The following COL13A1 variants were observed in gnomAD, a reference collection of about 807,000 sequenced individuals.
COL13A1 encodes the protein collagen alpha-1(XIII) chain.
COL13A1 carries 89 observed loss-of-function variants against 130.9 expected under a neutral mutation model. That is an observed-to-expected ratio of 0.68 (90% CI 0.57 to 0.81). The LOEUF is 0.81. Ranked by LOEUF, COL13A1 falls within the 30% of genes least tolerant of loss-of-function variation. The pLI, the probability that COL13A1 is intolerant of heterozygous loss-of-function variation, is 0.00. For missense variants in COL13A1, 879 were observed against 934.6 expected (o/e 0.94, Z 0.78); for synonymous variants, 402 against 341.6 (o/e 1.18, Z -1.95).
At chr10:69,836,592 C>T (rs1850137446) in intron 2 of COL13A1, among the ~76,000 whole-genome samples, 1 of 152,340 alleles carries the variant, frequency 6.6e-6, no homozygotes, top group African/African-American at 2.4e-5. Flanking sequence ...TCCTCCCACC[C>T]CTCCAGCCTT....
Position 69,844,095 on chromosome 10 carries a change from G to A in COL13A1, c.364+21657G>A, listed in dbSNP as rs556396658. Reference sequence around the variant, plus strand: ...GAATAGCAAGCCCTGAGGGCTTCCCGGAAGAGGCGGCATTTGCTCTAGGTC... The same window carrying A: ...GAATAGCAAGCCCTGAGGGCTTCCCAGAAGAGGCGGCATTTGCTCTAGGTC... On this transcript the variant is annotated intron_variant, in intron 2 of 40. Coordinates refer to ENST00000645393, the MANE Select transcript of COL13A1 (RefSeq NM_001368882.1). Among the ~76,000 whole-genome samples, 14 of 152,354 alleles carry A rather than the reference G, an allele frequency of 9.2e-5. No individual in the cohort carries two copies. In the South Asian group the frequency reaches 1.7e-3, roughly 18 times the overall value.
At chr10:69,885,229 C>A (rs2060493530) in intron 7 of COL13A1, among the ~76,000 whole-genome samples, 1 of 151,998 alleles carries the variant, frequency 6.6e-6, no homozygotes, top group South Asian at 2.1e-4. Flanking sequence ...ACACCAGAAA[C>A]AAAATAAATG....
At chr10:69,944,281 T>G in intron 36 of COL13A1, 103 bp downstream of exon 36, 1 of 985,920 alleles carries the variant, frequency 1.0e-6, no homozygotes, top group Non-Finnish European at 1.6e-6. Context: ...CTTCCATCTC[T>G]TCTCCTGGTC....
chr10:69,890,558 G>A (rs2061075259), intron 10 of COL13A1, among the ~76,000 whole-genome samples: 1 of 152,242 alleles, frequency 6.6e-6, no homozygotes, highest in African/African-American at 2.4e-5. Flanking sequence ...TCCAAGCGCT[G>A]GTGTGAAGAC....
intron 12 of COL13A1, 26 bp from the exon 13 acceptor site, chr10:69,895,524 A>C: frequency 6.2e-7 from 1 of 1,613,884 alleles, no homozygotes; most frequent in South Asian, 1.1e-5. Flanking sequence ...GCCTAACACC[A>C]CCTTTCCCTT....
At position 69,879,486 on chromosome 10, in the gene COL13A1, G is replaced by A. The variant is rs2059922895; in HGVS notation, c.463-1017G>A. The A allele has an allele frequency of 2.0e-5, 3 of 152,180 alleles. No individual in the cohort carries two copies. The South Asian group carries it at 6.2e-4, about 32-fold the overall frequency. 9.4% of individuals were successfully genotyped at this position (152,180 alleles called of 1,614,324 possible). A position where few individuals can be genotyped will look rare whatever the true frequency, so the allele number is the denominator to read the frequency against. ...TAGCAGAGCTGATCTTCAGACCCAA[G>A]CATTCTGGCTCTTAACCATGACACT... On this transcript the variant is annotated intron_variant, in intron 6 of 40. Coordinates refer to ENST00000645393, the MANE Select transcript of COL13A1 (RefSeq NM_001368882.1).
chr10:69,922,244 A>G (rs2064782405), intron 22 of COL13A1, among the ~76,000 whole-genome samples: 1 of 152,188 alleles, frequency 6.6e-6, no homozygotes, highest in African/African-American at 2.4e-5. Context: ...AAAATTAAAA[A>G]AAAAAAGATG....
chr10:69,889,281 TGGAG>T, intron 9 of COL13A1, 129 bp from the exon 10 acceptor site: 1 of 1,141,676 alleles, frequency 8.8e-7, no homozygotes, highest in Non-Finnish European at 1.3e-6. Context: ...AAGGTGCAGA[TGGAG>T]CACAGGGGAC....
chr10:69,832,316 A>G (rs146347228), intron 2 of COL13A1, among the ~76,000 whole-genome samples: 28 of 152,322 alleles, frequency 1.8e-4, no homozygotes, highest in Middle Eastern at 3.4e-3. Context: ...GATTTGTCAC[A>G]GGTTTAGGGG....
At chr10:69,926,776 T>C (rs2065419923) in intron 26 of COL13A1, among the ~76,000 whole-genome samples, 1 of 152,350 alleles carries the variant, frequency 6.6e-6, no homozygotes, top group South Asian at 2.1e-4. Flanking sequence ...TGGTGCTTCC[T>C]TCCCTTCAGT....
At position 69,887,693 on chromosome 10, in the gene COL13A1, G is replaced by A. The variant is rs1160371155; in HGVS notation, c.549+202G>A. 3.3e-5 allele frequency among the ~76,000 whole-genome samples: 5 copies of A among 152,192 alleles called. No homozygotes were observed. The East Asian group carries it at 9.6e-4, about 29-fold the overall frequency. ...GTCATGATGCAAGGAATAAATACAG[G>A]GGAGCAAATACACAAATTAAGGGGC... On this transcript the variant is annotated intron_variant, in intron 8 of 40. Coordinates refer to ENST00000645393, the MANE Select transcript of COL13A1 (RefSeq NM_001368882.1).
At chr10:69,874,114 T>C (rs962590378) in intron 4 of COL13A1, among the ~76,000 whole-genome samples, 1 of 152,228 alleles carries the variant, frequency 6.6e-6, no homozygotes, top group Non-Finnish European at 1.5e-5. Flanking sequence ...AGTGAAACAT[T>C]TTACTCAAAG....
intron 2 of COL13A1, among the ~76,000 whole-genome samples, chr10:69,842,963 G>A (rs1852001927): frequency 1.3e-5 from 2 of 152,224 alleles, no homozygotes; most frequent in Non-Finnish European, 2.9e-5. Flanking sequence ...ACGCAGTAAG[G>A]TTAATCCTCC....
chr10:69,805,250 T>C (rs1841234929), intron 1 of COL13A1, among the ~76,000 whole-genome samples: 1 of 152,112 alleles, frequency 6.6e-6, no homozygotes, highest in South Asian at 2.1e-4. Context: ...TGCTTACGGC[T>C]GGCAAAGCAG....
chr10:69,947,527 C>T (rs989048237), intron 38 of COL13A1, among the ~76,000 whole-genome samples, 185 bp downstream of exon 38: 1 of 152,174 alleles, frequency 6.6e-6, no homozygotes, highest in Non-Finnish European at 1.5e-5. Flanking sequence ...CTGATCCTCA[C>T]ATGGAAGCCT....
chr10:69,921,720 T>C (rs2064701534), intron 21 of COL13A1, among the ~76,000 whole-genome samples, 162 bp from the exon 22 acceptor site: 1 of 152,106 alleles, frequency 6.6e-6, no homozygotes, highest in Admixed American at 6.5e-5. Context: ...CCAGTCAGGA[T>C]GGGGGCCGGG....
intron 4 of COL13A1, among the ~76,000 whole-genome samples, 190 bp downstream of exon 4, chr10:69,872,400 A>T (rs1433964285): frequency 6.6e-6 from 1 of 152,120 alleles, no homozygotes; most frequent in African/African-American, 2.4e-5. Flanking sequence ...TCTAGAGAGG[A>T]CCCTGCTGGG....
chr10:69,911,556 T>C (rs2063384254), intron 17 of COL13A1, among the ~76,000 whole-genome samples: 1 of 152,218 alleles, frequency 6.6e-6, no homozygotes, highest in Non-Finnish European at 1.5e-5. Flanking sequence ...TTAGCAGCCC[T>C]GGGGGACCCC....
Position 69,947,342 on chromosome 10 carries a change from G to T in COL13A1, c.2058G>T (p.Arg686=). 6.2e-7 allele frequency: 1 copy of T among 1,612,734 alleles called. No individual in the cohort carries two copies. The highest frequency in any genetic ancestry group is 8.5e-7 in the Non-Finnish European group (1 of 1,179,246). Residue 686 remains arginine (R), a splice_region_variant and synonymous_variant, in exon 38 of 41, where the codon CGG becomes CGT. Transcript: ENST00000645393. Reference sequence around the variant, plus strand: ...GACCACCCGGGGACAAGGGAAACCGGGTGAGTCTGAGCCCCTGCACTCGTG... The same window carrying T: ...GACCACCCGGGGACAAGGGAAACCGTGTGAGTCTGAGCCCCTGCACTCGTG... ...LHGPPGDKGN[R]GERGKKGSRG... is the part of the protein sequence containing the mutation.
Sources: gnomAD v4.1 joint callset for allele counts (sites outside exome capture counted in the v4.1 genomes callset) on GRCh38, gnomAD v4.1.1 for gene constraint, MANE v1.5 for transcripts, NCBI Gene and HGNC (gene_info 2026-07-23, HGNC 2026-07-21) for gene names.